Variants in SPOCK1 observed in about 807,000 individuals in gnomAD.
SPOCK1 encodes the protein SPARC (osteonectin), cwcv and kazal like domains proteoglycan 1, also known as testican-1.
In SPOCK1, 23 loss-of-function variants were observed where a neutral mutation model predicts 55.3. The observed-to-expected ratio is 0.42, with a 90% CI of 0.30 to 0.59. The LOEUF (loss-of-function observed/expected upper bound fraction) is 0.59. Ranked by LOEUF, SPOCK1 falls within the 20% of genes least tolerant of loss-of-function variation. The pLI is 0.22. For missense variants in SPOCK1, 499 were observed against 552.5 expected, an observed-to-expected ratio of 0.90 and a Z score of 0.97; for synonymous variants, 226 against 221.0, an observed-to-expected ratio of 1.02 and a Z score of -0.20.
At chr5:137,225,242 T>C (rs552198697) in intron 3 of SPOCK1, among the ~76,000 whole-genome samples, 6 of 152,038 alleles carry the variant, frequency 3.9e-5, no homozygotes, top group Non-Finnish European at 8.8e-5. Flanking sequence ...TCTACCATTT[T>C]CTGGTTGGAT....
chr5:137,154,199 A>C (rs1316038377), intron 3 of SPOCK1, among the ~76,000 whole-genome samples: 1 of 152,200 alleles, frequency 6.6e-6, no homozygotes, highest in African/African-American at 2.4e-5. Context: ...AGGCAGGAGA[A>C]TCACTTGAAC....
chr5:137,081,100 T>C (rs1752871774), intron 5 of SPOCK1, among the ~76,000 whole-genome samples: 1 of 152,222 alleles, frequency 6.6e-6, no homozygotes, highest in African/African-American at 2.4e-5. Flanking sequence ...TCTCTGCAGA[T>C]CAGCCTTCTG....
chr5:137,199,181 C>A (rs1755362866), intron 3 of SPOCK1, among the ~76,000 whole-genome samples: 1 of 152,208 alleles, frequency 6.6e-6, no homozygotes, highest in South Asian at 2.1e-4. Context: ...CAGGAGAACA[C>A]AGGGTGCTGC....
chr5:137,404,852 T>C (rs1293339407), intron 2 of SPOCK1, among the ~76,000 whole-genome samples: 3 of 152,190 alleles, frequency 2.0e-5, no homozygotes, highest in African/African-American at 7.2e-5. Context: ...CCTACTGATA[T>C]ATAAAGAAAT....
intron 6 of SPOCK1, among the ~76,000 whole-genome samples, chr5:137,054,958 A>G (rs1752274037): frequency 6.6e-6 from 1 of 152,278 alleles, no homozygotes; most frequent in Non-Finnish European, 1.5e-5. Flanking sequence ...AATCACTTGT[A>G]TTTTTAAATA....
intron 3 of SPOCK1, among the ~76,000 whole-genome samples, chr5:137,194,833 T>C (rs534799972): frequency 1.3e-5 from 2 of 152,312 alleles, no homozygotes; most frequent in East Asian, 3.9e-4. Flanking sequence ...GCACCAGCCC[T>C]GAGCCGGCAG....
chr5:136,997,456 G>A (rs1186552931), intron 6 of SPOCK1, among the ~76,000 whole-genome samples: 4 of 152,034 alleles, frequency 2.6e-5, no homozygotes, highest in Non-Finnish European at 4.4e-5. Flanking sequence ...TTCCAAAACG[G>A]ACATTTGATC....
intron 3 of SPOCK1, among the ~76,000 whole-genome samples, chr5:137,250,711 C>T (rs964466985): frequency 7.9e-5 from 12 of 152,068 alleles, no homozygotes; most frequent in Non-Finnish European, 1.6e-4. Context: ...TATTATGCTA[C>T]GGAGAAAGGA....
intron 2 of SPOCK1, among the ~76,000 whole-genome samples, chr5:137,353,504 G>C (rs1034100699): frequency 2.6e-5 from 4 of 152,106 alleles, no homozygotes; most frequent in Non-Finnish European, 5.9e-5. Context: ...CCCCACACCT[G>C]CCACCACACA....
At chr5:137,134,307 C>A (rs1432627582) in intron 4 of SPOCK1, among the ~76,000 whole-genome samples, 1 of 152,220 alleles carries the variant, frequency 6.6e-6, no homozygotes, top group African/African-American at 2.4e-5. Context: ...TCCTTCTCAT[C>A]TTCTTTACTG....
At chr5:137,083,996 T>C (rs1752917369) in intron 5 of SPOCK1, among the ~76,000 whole-genome samples, 1 of 152,088 alleles carries the variant, frequency 6.6e-6, no homozygotes, top group Non-Finnish European at 1.5e-5. Context: ...CTTACAGCTT[T>C]GAGACTTAGT....
intron 9 of SPOCK1, among the ~76,000 whole-genome samples, chr5:136,981,364 T>A (rs1020440351): frequency 1.3e-5 from 2 of 152,254 alleles, no homozygotes; most frequent in African/African-American, 2.4e-5. Context: ...ATATTTTTAC[T>A]TCACTGTTGT....
intron 2 of SPOCK1, among the ~76,000 whole-genome samples, chr5:137,489,383 T>C (rs768396686): frequency 5.3e-5 from 8 of 152,220 alleles, no homozygotes; most frequent in African/African-American, 7.2e-5. Flanking sequence ...ATCACCACTC[T>C]GACCAAGAAA....
intron 3 of SPOCK1, among the ~76,000 whole-genome samples, chr5:137,205,418 A>T (rs976157838): frequency 1.3e-5 from 2 of 152,218 alleles, no homozygotes; most frequent in African/African-American, 4.8e-5. Context: ...GGGACAAGTC[A>T]ACAGTTTACA....
intron 9 of SPOCK1, among the ~76,000 whole-genome samples, chr5:136,979,990 G>A (rs1391999645): frequency 6.6e-6 from 1 of 152,148 alleles, no homozygotes; most frequent in Non-Finnish European, 1.5e-5. Flanking sequence ...ACTTGGTTCT[G>A]ACTAGTAACA....
At chr5:137,107,983 T>G (rs888175651) in intron 5 of SPOCK1, among the ~76,000 whole-genome samples, 1 of 151,982 alleles carries the variant, frequency 6.6e-6, no homozygotes, top group Non-Finnish European at 1.5e-5. Context: ...CTTAATGACA[T>G]TGAATCACCT....
chr5:137,361,598 A>G (rs1750946038), intron 2 of SPOCK1, among the ~76,000 whole-genome samples: 1 of 152,232 alleles, frequency 6.6e-6, no homozygotes, highest in African/African-American at 2.4e-5. Flanking sequence ...TTATGTAAAC[A>G]TTTACACACG....
intron 2 of SPOCK1, among the ~76,000 whole-genome samples, chr5:137,290,546 T>C (rs1005783495): frequency 1.3e-5 from 2 of 152,176 alleles, no homozygotes; most frequent in Non-Finnish European, 2.9e-5. Flanking sequence ...GATGGTTACA[T>C]GGGTGTGCTC....
intron 3 of SPOCK1, among the ~76,000 whole-genome samples, chr5:137,210,581 A>C (rs759731989): frequency 1.3e-5 from 2 of 152,198 alleles, no homozygotes; most frequent in Non-Finnish European, 2.9e-5. Flanking sequence ...GCACATTTGT[A>C]ATACAGGTCA....
Sources: allele counts gnomAD v4.1 joint callset (sites outside exome capture counted in the v4.1 genomes callset), GRCh38; gene constraint gnomAD v4.1.1; transcripts MANE v1.5; gene names NCBI Gene and HGNC (gene_info 2026-07-23, HGNC 2026-07-21).